DAPK3: variants seen among roughly 807,000 people sequenced by gnomAD.
DAPK3 encodes the protein death associated protein kinase 3.
A neutral mutation model predicts 30.6 loss-of-function variants in DAPK3; 24 were observed. That is an observed-to-expected ratio of 0.78 (90% CI 0.57 to 1.10). The LOEUF (loss-of-function observed/expected upper bound fraction) is 1.10. Among genes scored for constraint, DAPK3 ranks in the 50% least tolerant of loss-of-function variants. The pLI is 0.00. For synonymous variants in DAPK3, 341 were observed against 284.0 expected, an observed-to-expected ratio of 1.20 and a Z score of -2.02; for missense variants, 629 against 657.3, an observed-to-expected ratio of 0.96 and a Z score of 0.47.
Position 3,969,723 on chromosome 19 carries a change from T to C in DAPK3, c.13A>G (p.Arg5Gly). 1 of 1,611,680 alleles carries C rather than the reference T, an allele frequency of 6.2e-7. No homozygotes were observed. The highest frequency in any genetic ancestry group is 8.5e-7 in the Non-Finnish European group (1 of 1,178,654). Residue 5 changes from arginine (R) to glycine (G), a missense_variant, in exon 2 of 9, where the codon AGG (arginine) becomes GGG (glycine). Transcript: ENST00000545797. The stretch of plus-strand genomic sequence containing the variant: ...TAATGGTCCTCCACGTCCTCCTGCC[T>C]GAACGTGGACATGGCGGCCGGTCCG... MSTFRQEDVEDHYEM... is the reference protein window; with the variant it reads MSTFGQEDVEDHYEM...
chr19:3,959,810 C>T lies in DAPK3; in HGVS notation c.829-173G>A, dbSNP rs1175262600. On this transcript the variant is annotated intron_variant, in intron 8 of 8. Transcript: ENST00000545797. ...CGAGAGTGCTCTCTCGAGAAAAACG[C>T]TGCGGCCCTGGCCCCAGGAGTCAGC... The T allele has an allele frequency of 6.5e-6, 5 of 771,410 alleles. No individual in the cohort carries two copies. In the East Asian group the frequency reaches 1.1e-4, roughly 17 times the overall value. The allele number at this position is 771,410 out of a possible 1,614,324, so 47.8% of individuals were successfully genotyped here. A position where few individuals can be genotyped will look rare whatever the true frequency, so the allele number is the denominator to read the frequency against.
intron 2 of DAPK3, among the ~76,000 whole-genome samples, chr19:3,965,428 C>A (rs1448661102): frequency 6.6e-6 from 1 of 152,134 alleles, no homozygotes; most frequent in Non-Finnish European, 1.5e-5. Flanking sequence ...AGCAGCCTGG[C>A]CAACATGGTG....
Position 3,969,708 on chromosome 19 carries a change from C to A in DAPK3, c.28G>T (p.Glu10Ter). 1 of 1,612,558 alleles carries A rather than the reference C, an allele frequency of 6.2e-7. No individual in the cohort carries two copies. Among genetic ancestry groups the A allele is most frequent in the Admixed American group, 1.7e-5 (1 of 60,014 alleles). The change falls in exon 2 of 9, where the codon GAG becomes TAG. Residue 10 changes from glutamate (E) to a stop codon, truncating the protein, a stop_gained. Transcript: ENST00000545797. LOFTEE classifies it high-confidence loss of function. Reference sequence around the variant, plus strand: ...TCCTCCCCCATCTCATAATGGTCCTCCACGTCCTCCTGCCTGAACGTGGAC... The same window carrying A: ...TCCTCCCCCATCTCATAATGGTCCTACACGTCCTCCTGCCTGAACGTGGAC... MSTFRQEDV[E>*]DHYEMGEELG...
Position 3,961,226 on chromosome 19 carries a change from G to C in DAPK3, c.630-65C>G, listed in dbSNP as rs552503391. 1.1e-5 allele frequency: 15 copies of C among 1,359,072 alleles called. No homozygotes were observed. In the Admixed American group the frequency reaches 2.0e-4, roughly 18 times the overall value. The allele number at this position is 1,359,072 out of a possible 1,614,324, so 84.2% of individuals were successfully genotyped here. ...CCCACCACGGCCGCGCCGCCTCTCC[G>C]GCTGCCCACGACAGGCGGAGCACAG... is the stretch of plus-strand genomic sequence containing the variant. On this transcript the variant is annotated intron_variant, in intron 6 of 8. Transcript: ENST00000545797.
At chr19:3,959,756 G>C in intron 8 of DAPK3, 119 bp from the exon 9 acceptor site, 1 of 1,174,116 alleles carries the variant, frequency 8.5e-7, no homozygotes, top group South Asian at 1.6e-5. Flanking sequence ...AACGCCTCGT[G>C]ACGGAGACTG....
At chr19:3,970,357 A>C (rs965235289) in intron 1 of DAPK3, among the ~76,000 whole-genome samples, 1 of 152,088 alleles carries the variant, frequency 6.6e-6, no homozygotes, top group Non-Finnish European at 1.5e-5. Context: ...TGGAACTCCA[A>C]GGCTCAAGCG....
chr19:3,963,093 A>G (rs1312329517), intron 6 of DAPK3, among the ~76,000 whole-genome samples: 2 of 129,568 alleles, frequency 1.5e-5, no homozygotes, highest in Non-Finnish European at 3.4e-5. Context: ...CAACAAGAGC[A>G]AAACTCCATC....
In DAPK3 at chr19:3,960,670, T is replaced by C. The variant is rs192222990; in HGVS notation, c.782+339A>G. On this transcript the variant is annotated intron_variant, in intron 7 of 8. Coordinates refer to ENST00000545797, the MANE Select transcript of DAPK3 (RefSeq NM_001348.3). ...GGCGGGCGTCTATAATCCCAGCTAC[T>C]TGGGAGGCTAACGCAGGAGAATAGC... Among the ~76,000 whole-genome samples the C allele has an allele frequency of 4.2e-3, 637 of 151,858 alleles. 5 individuals are homozygous for C. Among genetic ancestry groups the C allele is most frequent in the African/African-American group, 0.015 (610 of 41,384 alleles).
Position 3,959,303 on chromosome 19 carries a change from G to A in DAPK3, c.1163C>T (p.Thr388Ile), listed in dbSNP as rs1487192345. 2 of 1,595,590 alleles carry A rather than the reference G, an allele frequency of 1.3e-6. No homozygotes were observed. Among genetic ancestry groups the A allele is most frequent in the Middle Eastern group, 1.7e-4 (1 of 6,050 alleles). ...CTGCGCCTGCCGCTTGAGCGCCTCG[G>A]TCTTGAGCAGCTCCTGCCGTAGCCT... ...LRRLRQELLK[T>I]EALKRQAQEE... Residue 388 changes from threonine (T) to isoleucine (I), a missense_variant, in exon 9 of 9, where the codon ACC becomes ATC. By Grantham distance (89) the Thr-to-Ile change is moderately conservative. Coordinates refer to ENST00000545797, the MANE Select transcript of DAPK3 (RefSeq NM_001348.3).
At chr19:3,962,395 A>C (rs1309868970) in intron 6 of DAPK3, among the ~76,000 whole-genome samples, 1 of 152,166 alleles carries the variant, frequency 6.6e-6, no homozygotes, top group Non-Finnish European at 1.5e-5. Flanking sequence ...GGCCCACGCC[A>C]TTGTTTATTT....
chr19:3,960,078 A>C lies in DAPK3; in HGVS notation c.809T>G (p.Leu270Arg), dbSNP rs2039491578. 1.9e-6 allele frequency: 3 copies of C among 1,569,172 alleles called. No individual in the cohort carries two copies. The highest frequency in any genetic ancestry group is 2.6e-6 in the Non-Finnish European group (3 of 1,139,348). ...PKRRMTIAQS[L>R]EHSWIKAIRR... ...ACTTACCTTAATCCAGGAATGTTCC[A>C]GGCTCTGGGCAATGGTCATTCTCCG... Residue 270 changes from leucine (L) to arginine (R), a missense_variant, in exon 8 of 9, where the codon CTG becomes CGG. Physicochemically the swap from Leu to Arg is moderately radical, Grantham distance 102. Transcript: ENST00000545797.
intron 7 of DAPK3, among the ~76,000 whole-genome samples, chr19:3,960,423 G>A (rs903530257): frequency 1.3e-5 from 2 of 152,080 alleles, no homozygotes; most frequent in Non-Finnish European, 2.9e-5. Context: ...AAGTGACCTG[G>A]AATTTTACAT....
chr19:3,963,847 G>C, intron 5 of DAPK3, 24 bp downstream of exon 5: 1 of 1,520,706 alleles, frequency 6.6e-7, no homozygotes, highest in Non-Finnish European at 9.1e-7. Flanking sequence ...AGGGAGGCCC[G>C]GTGGGAGCAG....
At chr19:3,962,264 C>T (rs1321944082) in intron 6 of DAPK3, among the ~76,000 whole-genome samples, 1 of 152,222 alleles carries the variant, frequency 6.6e-6, no homozygotes, top group African/African-American at 2.4e-5. Context: ...CTGCAGGGGG[C>T]GTCTGTGCTG....
In DAPK3 at chr19:3,959,541, A is replaced by ACCCAG; in HGVS notation, c.924_925insCTGGG (p.Ser309LeufsTer121). ...TTGTTGGGCGGCAAGCTGGAGTGCG[A>ACCCAG]CTTGATGGTGTACTCCTTCAGACGC... is the stretch of plus-strand genomic sequence containing the variant. On this transcript the variant is annotated frameshift_variant, in exon 9 of 9. Coordinates refer to ENST00000545797, the MANE Select transcript of DAPK3 (RefSeq NM_001348.3). LOFTEE classifies it low-confidence loss of function (END_TRUNC). 1 of 1,578,142 alleles carries ACCCAG rather than the reference A, an allele frequency of 6.3e-7. No individual in the cohort carries two copies. The highest frequency in any genetic ancestry group is 8.5e-7 in the Non-Finnish European group (1 of 1,170,730).
intron 2 of DAPK3, 23 bp from the exon 3 acceptor site, chr19:3,965,014 G>A (rs779981694): frequency 2.8e-6 from 4 of 1,452,440 alleles, no homozygotes; most frequent in Non-Finnish European, 2.9e-6. Flanking sequence ...GAGGGAGTGA[G>A]TGGGGGTGGA....
chr19:3,965,388 G>C (rs1269077666), intron 2 of DAPK3, among the ~76,000 whole-genome samples: 2 of 152,214 alleles, frequency 1.3e-5, no homozygotes, highest in Admixed American at 1.3e-4. Context: ...AGTTCGAGGA[G>C]GGCAGATAAC....
At chr19:3,962,197 G>A (rs1301745611) in intron 6 of DAPK3, among the ~76,000 whole-genome samples, 2 of 152,182 alleles carry the variant, frequency 1.3e-5, no homozygotes, top group Admixed American at 6.5e-5. Context: ...CAAGGCTAAC[G>A]TCTTGGTGTT....
intron 2 of DAPK3, among the ~76,000 whole-genome samples, chr19:3,965,354 C>T (rs910594715): frequency 3.3e-5 from 5 of 152,166 alleles, no homozygotes; most frequent in Admixed American, 2.6e-4. Flanking sequence ...CGGTGGCTCA[C>T]GCCTGTAATC....
Sources: allele counts gnomAD v4.1 joint callset (sites outside exome capture counted in the v4.1 genomes callset), GRCh38; gene constraint gnomAD v4.1.1; transcripts MANE v1.5; gene names NCBI Gene and HGNC (gene_info 2026-07-23, HGNC 2026-07-21).